The following CREBL2 variants were observed in gnomAD, a reference collection of about 807,000 sequenced individuals.
CREBL2 encodes cAMP responsive element binding protein like 2.
In CREBL2, 4 loss-of-function variants were observed where a neutral mutation model predicts 19.5. The ratio of observed to expected loss-of-function variants is 0.20; its 90% confidence interval spans 0.10 to 0.47. The LOEUF (loss-of-function observed/expected upper bound fraction) is 0.47, where lower values mean the gene tolerates loss of function less well. Among genes scored for constraint, CREBL2 ranks in the 20% least tolerant of loss-of-function variants. The pLI, the probability that CREBL2 is intolerant of heterozygous loss-of-function variation, is 0.98. For missense variants in CREBL2, 85 were observed against 145.1 expected (o/e 0.59, Z 2.13); for synonymous variants, 42 against 46.6 (o/e 0.90, Z 0.40).
At chr12:12,635,314 A>G (rs1430842439) in intron 1 of CREBL2, among the ~76,000 whole-genome samples, 1 of 151,858 alleles carries the variant, frequency 6.6e-6, no homozygotes, top group Non-Finnish European at 1.5e-5. Context: ...GGCTGCAGTT[A>G]ACCATGATTG....
At chr12:12,614,191 C>T (rs1290463773) in intron 1 of CREBL2, among the ~76,000 whole-genome samples, 1 of 151,772 alleles carries the variant, frequency 6.6e-6, no homozygotes, top group Non-Finnish European at 1.5e-5. Context: ...CAGGGTTTCA[C>T]CATGTTGATC....
chr12:12,612,158 G>A lies in CREBL2; in HGVS notation c.-15G>A. The A allele has an allele frequency of 6.2e-7, 1 of 1,612,288 alleles. No homozygotes were observed. The highest frequency in any genetic ancestry group is 8.5e-7 in the Non-Finnish European group (1 of 1,180,010). ...CCGGGAGGGAGTGCCTGGCCAGGCC[G>A]GCCTGTCTGCCGCGATGGATGACAG... On this transcript the variant is annotated 5_prime_UTR_variant, in exon 1 of 4. Transcript: ENST00000228865.
intron 1 of CREBL2, among the ~76,000 whole-genome samples, chr12:12,629,108 G>C (rs1411066339): frequency 6.6e-6 from 1 of 152,052 alleles, no homozygotes; most frequent in African/African-American, 2.4e-5. Context: ...TGGGTCCCTC[G>C]TATTTCCATG....
intron 1 of CREBL2, among the ~76,000 whole-genome samples, chr12:12,614,134 C>G (rs1476736257): frequency 1.3e-5 from 2 of 151,740 alleles, no homozygotes; most frequent in African/African-American, 2.4e-5. Context: ...GCTGGGACTA[C>G]AGGCGTGTGC....
rs566480194 is a variant in CREBL2 at position 12,636,521 on chromosome 12, G to A, written c.213+547G>A. On this transcript the variant is annotated intron_variant, in intron 2 of 3. Coordinates refer to ENST00000228865, the MANE Select transcript of CREBL2 (RefSeq NM_001310.4). Reference sequence around the variant, plus strand: ...TGCAAGCTCTACCTCCCAGGTTCACGCCATTCTCCTGCCTCAGCCTCCTGA... The same window carrying A: ...TGCAAGCTCTACCTCCCAGGTTCACACCATTCTCCTGCCTCAGCCTCCTGA... Among the ~76,000 whole-genome samples, 222 of 152,188 alleles carry A rather than the reference G, an allele frequency of 1.5e-3. 1 individual carries two copies. Among genetic ancestry groups the A allele is most frequent in the African/African-American group, 4.9e-3 (203 of 41,536 alleles).
intron 1 of CREBL2, among the ~76,000 whole-genome samples, chr12:12,613,587 A>G (rs1395780055): frequency 2.6e-5 from 4 of 152,126 alleles, no homozygotes; most frequent in African/African-American, 9.7e-5. Context: ...CCAGTGCAGT[A>G]CTCTGGAATT....
At chr12:12,621,523 C>CAA (rs61201510) in intron 1 of CREBL2, among the ~76,000 whole-genome samples, 56 of 64,812 alleles carry the variant, frequency 8.6e-4, no homozygotes, top group South Asian at 1.5e-3. Context: ...CGTCTCAAAC[C>CAA]AAAAAAAAAA....
At chr12:12,617,254 C>T (rs1267076325) in intron 1 of CREBL2, among the ~76,000 whole-genome samples, 1 of 152,096 alleles carries the variant, frequency 6.6e-6, no homozygotes, top group Non-Finnish European at 1.5e-5. Flanking sequence ...TCAGTGTGCT[C>T]CAGCTGAGCA....
At position 12,644,275 on chromosome 12, in the gene CREBL2, T is replaced by C. The variant is rs1945548222; in HGVS notation, c.*2277T>C. 1 of 152,218 alleles carries C rather than the reference T, an allele frequency of 6.6e-6. No individual in the cohort carries two copies. The highest frequency in any genetic ancestry group is 2.1e-4 in the South Asian group (1 of 4,832). 9.4% of individuals were successfully genotyped at this position (152,218 alleles called of 1,614,324 possible). ...CGGCTATTGTGCTGGCTGGACACTT[T>C]GGTCACTTTTGAAGCATGTTAATAA... On this transcript the variant is annotated 3_prime_UTR_variant, in exon 4 of 4. Transcript: ENST00000228865.
chr12:12,632,769 A>G (rs935689989), intron 1 of CREBL2, among the ~76,000 whole-genome samples: 3 of 152,054 alleles, frequency 2.0e-5, no homozygotes, highest in African/African-American at 7.2e-5. Context: ...AAAATATTTT[A>G]TTAAAATTAT....
Position 12,612,037 on chromosome 12 carries a change from G to A in CREBL2, c.-136G>A, listed in dbSNP as rs549799149. On this transcript the variant is annotated 5_prime_UTR_variant, in exon 1 of 4. Transcript: ENST00000228865. ...TCCCCGTGACTCTGGCATCAGGGAA[G>A]CGAACTGTTAGGCGAGAGGAGGAGG... is the stretch of plus-strand genomic sequence containing the variant. 7 of 1,056,144 alleles carry A rather than the reference G, an allele frequency of 6.6e-6. No homozygotes were observed. In the African/African-American group the frequency reaches 1.1e-4, roughly 16 times the overall value. The allele number at this position is 1,056,144 out of a possible 1,614,324, so 65.4% of individuals were successfully genotyped here. A position where few individuals can be genotyped will look rare whatever the true frequency, so the allele number is the denominator to read the frequency against.
intron 2 of CREBL2, among the ~76,000 whole-genome samples, chr12:12,636,315 T>C (rs1456012326): frequency 1.3e-5 from 2 of 152,246 alleles, no homozygotes; most frequent in Non-Finnish European, 2.9e-5. Flanking sequence ...TTTACTGATG[T>C]AGAAAGATAC....
chr12:12,623,344 C>G (rs867711700), intron 1 of CREBL2, among the ~76,000 whole-genome samples: 1 of 151,004 alleles, frequency 6.6e-6, no homozygotes, highest in Non-Finnish European at 1.5e-5. Flanking sequence ...ATGTGTGAGT[C>G]CACTAAAAAA....
intron 1 of CREBL2, among the ~76,000 whole-genome samples, chr12:12,617,594 G>A (rs1242063275): frequency 1.6e-5 from 2 of 124,818 alleles, no homozygotes; most frequent in African/African-American, 3.0e-5. Flanking sequence ...GTGATTCCTT[G>A]TGCTTTACTA....
At chr12:12,641,648 T>C (rs1945523115) in intron 3 of CREBL2, among the ~76,000 whole-genome samples, 1 of 152,262 alleles carries the variant, frequency 6.6e-6, no homozygotes, top group Middle Eastern at 3.4e-3. Flanking sequence ...TTTACAAAAT[T>C]GAAGAAATCG....
At chr12:12,639,554 A>C (rs958305604) in intron 3 of CREBL2, among the ~76,000 whole-genome samples, 1 of 152,186 alleles carries the variant, frequency 6.6e-6, no homozygotes, top group African/African-American at 2.4e-5. Flanking sequence ...AATGATGCTG[A>C]ACATATTTTC....
Position 12,643,689 on chromosome 12 carries a change from A to AGTCAT in CREBL2, c.*1694_*1698dup, listed in dbSNP as rs1945544140. The AGTCAT allele has an allele frequency of 6.8e-6, 1 of 146,836 alleles. No individual in the cohort carries two copies. The highest frequency in any genetic ancestry group is 2.2e-4 in the South Asian group (1 of 4,572). 9.1% of individuals were successfully genotyped at this position (146,836 alleles called of 1,614,324 possible). A position where few individuals can be genotyped will look rare whatever the true frequency, so the allele number is the denominator to read the frequency against. ...AGTCTAGTCTAGTCTAGTCTAGTCT[A>AGTCAT]GTCATGTGTGACTGTGTACTGAGAT... On this transcript the variant is annotated 3_prime_UTR_variant, in exon 4 of 4. Transcript: ENST00000228865.
At chr12:12,640,753 CA>C (rs1945510763) in intron 3 of CREBL2, among the ~76,000 whole-genome samples, 1 of 152,212 alleles carries the variant, frequency 6.6e-6, no homozygotes, top group East Asian at 1.9e-4. Flanking sequence ...GTTTCCGCAA[CA>C]GAGTTCTTTA....
chr12:12,620,031 T>G (rs1005890800), intron 1 of CREBL2, among the ~76,000 whole-genome samples: 1 of 152,216 alleles, frequency 6.6e-6, no homozygotes, highest in Non-Finnish European at 1.5e-5. Flanking sequence ...TGACATTCCC[T>G]CATTTATCTT....
Sources: gnomAD v4.1 joint callset for allele counts (sites outside exome capture counted in the v4.1 genomes callset) on GRCh38, gnomAD v4.1.1 for gene constraint, MANE v1.5 for transcripts, NCBI Gene and HGNC (gene_info 2026-07-23, HGNC 2026-07-21) for gene names.